BICRAL: variants seen among roughly 807,000 people sequenced by gnomAD.
BICRAL encodes the protein BRD4-interacting chromatin-remodeling complex-associated protein-like.
In BICRAL, 8 loss-of-function variants were observed where a neutral mutation model predicts 91.8. The observed-to-expected ratio is 0.09, with a 90% CI of 0.05 to 0.16. BICRAL has a LOEUF of 0.16. Ranked by LOEUF, BICRAL falls within the 10% of genes least tolerant of loss-of-function variation. The pLI, the probability that BICRAL is intolerant of heterozygous loss-of-function variation, is 1.00. For missense variants in BICRAL, 1,038 were observed against 1,310.9 expected (o/e 0.79, Z 3.21); for synonymous variants, 445 against 491.1 (o/e 0.91, Z 1.24).
chr6:42,840,219 T>TTTTGTTTGTTTG (rs143931324), intron 6 of BICRAL, among the ~76,000 whole-genome samples: 4 of 150,278 alleles, frequency 2.7e-5, no homozygotes, highest in East Asian at 3.9e-4. Context: ...TTTTGTTCTT[T>TTTTGTTTGTTTG]TTTGTTTGTT....
intron 6 of BICRAL, among the ~76,000 whole-genome samples, chr6:42,840,076 A>C (rs1466221541): frequency 1.3e-5 from 2 of 152,156 alleles, no homozygotes; most frequent in Non-Finnish European, 2.9e-5. Context: ...AAATTTCTCT[A>C]TTATTTATTT....
At chr6:42,774,424 T>A (rs549483049) in intron 1 of BICRAL, among the ~76,000 whole-genome samples, 84 of 152,252 alleles carry the variant, frequency 5.5e-4, no homozygotes, top group Non-Finnish European at 1.0e-3. Flanking sequence ...GGTGCTTGCA[T>A]GTGGTGGGGC....
chr6:42,776,382 C>G (rs1762807263), intron 1 of BICRAL, among the ~76,000 whole-genome samples: 2 of 151,918 alleles, frequency 1.3e-5, no homozygotes, highest in South Asian at 2.1e-4. Flanking sequence ...GGGTCTTGCT[C>G]TGTCGCCCAG....
intron 1 of BICRAL, among the ~76,000 whole-genome samples, chr6:42,805,083 TGTA>T (rs1763671427): frequency 6.6e-6 from 1 of 152,284 alleles, no homozygotes; most frequent in East Asian, 1.9e-4. Context: ...TGTCCAAAGA[TGTA>T]GTTGCTGCTT....
intron 1 of BICRAL, among the ~76,000 whole-genome samples, chr6:42,749,065 C>T (rs1245875461): frequency 1.3e-5 from 2 of 152,162 alleles, no homozygotes; most frequent in Non-Finnish European, 2.9e-5. Flanking sequence ...CTCTTGTAGA[C>T]ATCTTGAAAA....
intron 11 of BICRAL, among the ~76,000 whole-genome samples, chr6:42,860,768 G>C (rs1361117660): frequency 1.3e-5 from 2 of 152,186 alleles, no homozygotes; most frequent in Admixed American, 1.3e-4. Flanking sequence ...ATAAGCTGGT[G>C]ACAAATGTCA....
chr6:42,785,986 C>T (rs949356099), intron 1 of BICRAL, among the ~76,000 whole-genome samples: 46 of 152,162 alleles, frequency 3.0e-4, no homozygotes, highest in South Asian at 2.9e-3. Context: ...ACCTGGGAGA[C>T]GGAGGTTGTA....
At chr6:42,863,661 C>T (rs187857105) in intron 12 of BICRAL, among the ~76,000 whole-genome samples, 1 of 152,310 alleles carries the variant, frequency 6.6e-6, no homozygotes, top group Admixed American at 6.5e-5. Context: ...AAGGAAGAAA[C>T]CAGGCTGACA....
chr6:42,748,281 C>T (rs1762320456), intron 1 of BICRAL, among the ~76,000 whole-genome samples: 2 of 152,008 alleles, frequency 1.3e-5, no homozygotes, highest in Non-Finnish European at 2.9e-5. Context: ...ATTTATTTTT[C>T]TAGAAAAAAA....
intron 1 of BICRAL, among the ~76,000 whole-genome samples, chr6:42,775,214 C>T (rs888415288): frequency 9.9e-5 from 15 of 152,200 alleles, no homozygotes; most frequent in Non-Finnish European, 1.6e-4. Flanking sequence ...GGATCACAGG[C>T]GTGAGCCACT....
rs9462827 is a variant in BICRAL at position 42,773,358 on chromosome 6, G to A, written c.-260-8481G>A. 7.5e-3 allele frequency among the ~76,000 whole-genome samples: 1,145 copies of A among 151,914 alleles called. 19 individuals are homozygous for A. The highest frequency in any genetic ancestry group is 0.025 in the African/African-American group (1,034 of 41,422). On this transcript the variant is annotated intron_variant, in intron 1 of 14. Transcript: ENST00000614467. ...CTCCCAAAGTGCTGGGATTACAGTC[G>A]TGAGCCACTGCACCTGGCTGCAATT...
At chr6:42,750,891 TTTTTTTTTTTTTTTTTTA>T (rs1762367837) in intron 1 of BICRAL, among the ~76,000 whole-genome samples, 1 of 69,692 alleles carries the variant, frequency 1.4e-5, no homozygotes, top group Non-Finnish European at 2.9e-5. Context: ...TTTTTTTTTT[TTTTTTTTTTTTTTTTTTA>T]ATACTTTAAG....
intron 1 of BICRAL, among the ~76,000 whole-genome samples, chr6:42,764,919 A>G (rs1221411622): frequency 1.3e-5 from 2 of 152,188 alleles, no homozygotes; most frequent in Non-Finnish European, 2.9e-5. Context: ...TCAACCTCCC[A>G]AAGTGCTGGG....
rs1765672891 is a variant in BICRAL at position 42,865,058 on chromosome 6, C to T, written c.2852C>T (p.Thr951Ile). 1 of 1,614,104 alleles carries T rather than the reference C, an allele frequency of 6.2e-7. No individual in the cohort carries two copies. Residue 951 changes from threonine (T) to isoleucine (I), a missense_variant, in exon 13 of 13, where the codon ACT (threonine) becomes ATT (isoleucine). Transcript: ENST00000314073. ...ACCTCATCCAGATCGGATCATGGTACTGAGAGCAAACTGTCAAGCATCCTA... is the reference window on the plus strand; with the variant it reads ...ACCTCATCCAGATCGGATCATGGTATTGAGAGCAAACTGTCAAGCATCCTA... ...RKTSSRSDHG[T>I]ESKLSSILAD...
Position 42,758,836 on chromosome 6 carries a change from C to CT in BICRAL, c.-261+11817dup, listed in dbSNP as rs1453535552. Among the ~76,000 whole-genome samples the CT allele has an allele frequency of 7.2e-5, 11 of 152,244 alleles. No individual in the cohort carries two copies. The East Asian group carries it at 2.1e-3, about 29-fold the overall frequency. On this transcript the variant is annotated intron_variant, in intron 1 of 14. Transcript: ENST00000614467. ...TGGAGTACCCACTATGTTCTAGGCACTTTTCTAGGTGTTGGGACTACAGCA... is the reference window on the plus strand; with the variant it reads ...TGGAGTACCCACTATGTTCTAGGCACTTTTTCTAGGTGTTGGGACTACAGCA...
At chr6:42,770,364 G>C (rs1213821779) in intron 1 of BICRAL, among the ~76,000 whole-genome samples, 1 of 151,502 alleles carries the variant, frequency 6.6e-6, no homozygotes, top group Non-Finnish European at 1.5e-5. Context: ...GAGTAGCTGG[G>C]ATTACAGGCA....
At position 42,823,777 on chromosome 6, in the gene BICRAL, T is replaced by C. The variant is rs540803820; in HGVS notation, c.159+774T>C. ...TCTCTACTAAAAATACAAAAAAAAATTGCCAGGCATGGTGGTAGGCGCCTG... is the reference window on the plus strand; with the variant it reads ...TCTCTACTAAAAATACAAAAAAAAACTGCCAGGCATGGTGGTAGGCGCCTG... On this transcript the variant is annotated intron_variant, in intron 5 of 12. Transcript: ENST00000314073. 2.0e-5 allele frequency among the ~76,000 whole-genome samples: 3 copies of C among 151,340 alleles called. No homozygotes were observed. The East Asian group carries it at 5.8e-4, about 29-fold the overall frequency.
intron 10 of BICRAL, 92 bp from the exon 11 acceptor site, chr6:42,860,170 C>G (rs1765510808): frequency 1.3e-6 from 1 of 750,686 alleles, no homozygotes; most frequent in South Asian, 1.6e-5. Context: ...GTTTGAATAA[C>G]AGAAGAGTAA....
rs146313045 is a variant in BICRAL, at chr6:42,805,919, G to A, written c.-101-4387G>A. Among the ~76,000 whole-genome samples the A allele has an allele frequency of 8.2e-3, 1,238 of 151,890 alleles. 8 individuals are homozygous for A. The highest frequency in any genetic ancestry group is 0.012 in the Non-Finnish European group (840 of 67,946). ...TGGGAGGCTGAGGCAGGAGAATGGC[G>A]TGAACCCAGGAGGCAGAGTGTGCAG... is the stretch of plus-strand genomic sequence containing the variant. On this transcript the variant is annotated intron_variant, in intron 1 of 12. Coordinates refer to ENST00000314073, the MANE Select transcript of BICRAL (RefSeq NM_001393499.1).
Sources: allele counts gnomAD v4.1 joint callset (sites outside exome capture counted in the v4.1 genomes callset), GRCh38; gene constraint gnomAD v4.1.1; transcripts MANE v1.5; gene names NCBI Gene and HGNC (gene_info 2026-07-23, HGNC 2026-07-21).